KIF18A: variants seen among roughly 807,000 people sequenced by gnomAD.
KIF18A encodes the protein kinesin-like protein KIF18A.
A neutral mutation model predicts 103.3 loss-of-function variants in KIF18A; 67 were observed. That is an observed-to-expected ratio of 0.65 (90% CI 0.53 to 0.79). The LOEUF (loss-of-function observed/expected upper bound fraction) is 0.79, where lower values mean the gene tolerates loss of function less well. Ranked by LOEUF, KIF18A falls within the 30% of genes least tolerant of loss-of-function variation. The probability of loss-of-function intolerance (pLI) is 0.00; values close to 1 mark genes in which losing one functional copy is unlikely to be tolerated. For missense variants in KIF18A, 1,032 were observed against 1,062.5 expected (o/e 0.97, Z 0.40); for synonymous variants, 367 against 355.5 (o/e 1.03, Z -0.36).
chr11:28,075,793 T>C (rs1459053229), intron 10 of KIF18A, among the ~76,000 whole-genome samples: 1 of 152,202 alleles, frequency 6.6e-6, no homozygotes, highest in Non-Finnish European at 1.5e-5. Flanking sequence ...GCATTGCTTC[T>C]GCCAGGTTTT....
intron 7 of KIF18A, among the ~76,000 whole-genome samples, chr11:28,083,512 C>T (rs1324723306): frequency 1.3e-5 from 2 of 152,038 alleles, no homozygotes; most frequent in African/African-American, 4.8e-5. Flanking sequence ...ACTCCTTTGA[C>T]TTCTAAGTAA....
chr11:28,080,841 A>G (rs980578719), intron 9 of KIF18A, among the ~76,000 whole-genome samples: 1 of 152,228 alleles, frequency 6.6e-6, no homozygotes, highest in Non-Finnish European at 1.5e-5. Context: ...TGCACAAAAC[A>G]TTTAGCCAAG....
At chr11:28,040,550 A>G (rs1034969892) in intron 13 of KIF18A, among the ~76,000 whole-genome samples, 13 of 151,816 alleles carry the variant, frequency 8.6e-5, no homozygotes, top group African/African-American at 2.7e-4. Context: ...TGTGCCTTGC[A>G]GAACAAGAGA....
chr11:28,022,355 C>T (rs959808479), intron 16 of KIF18A, among the ~76,000 whole-genome samples: 8 of 151,848 alleles, frequency 5.3e-5, no homozygotes, highest in African/African-American at 1.9e-4. Context: ...AGCTCCGCCT[C>T]CCAGGTTCAC....
intron 13 of KIF18A, among the ~76,000 whole-genome samples, chr11:28,050,765 A>G (rs999583913): frequency 1.3e-5 from 2 of 151,834 alleles, no homozygotes; most frequent in African/African-American, 4.8e-5. Context: ...CACTACACTT[A>G]GTGAGTGTGC....
chr11:28,036,853 CATT>C (rs1850499789), intron 13 of KIF18A, among the ~76,000 whole-genome samples, 189 bp from the exon 14 acceptor site: 3 of 151,152 alleles, frequency 2.0e-5, no homozygotes, highest in Admixed American at 1.3e-4. Context: ...AAGATAAACT[CATT>C]ATAAAGAAAT....
chr11:28,036,804 A>G (rs1012792950), intron 13 of KIF18A, 140 bp from the exon 14 acceptor site: 1 of 524,208 alleles, frequency 1.9e-6, no homozygotes, highest in Admixed American at 3.5e-5. Flanking sequence ...ATAAGTTGGA[A>G]AGGAAAATAT....
intron 13 of KIF18A, among the ~76,000 whole-genome samples, chr11:28,040,049 A>G: frequency 6.6e-6 from 1 of 151,888 alleles, no homozygotes; most frequent in South Asian, 2.1e-4. Context: ...ATTTAAGTCA[A>G]TCTTCTGTAA....
chr11:28,050,456 A>T (rs1251088498), intron 13 of KIF18A, among the ~76,000 whole-genome samples: 1 of 151,868 alleles, frequency 6.6e-6, no homozygotes, highest in East Asian at 1.9e-4. Context: ...CTATCTTTCA[A>T]ATGAAATTTC....
At chr11:28,025,404 T>C (rs973795657) in intron 15 of KIF18A, among the ~76,000 whole-genome samples, 2 of 152,030 alleles carry the variant, frequency 1.3e-5, no homozygotes, top group African/African-American at 4.8e-5. Context: ...TCAATATTAT[T>C]AGTTACTTTT....
chr11:28,099,392 G>C (rs761081904), intron 1 of KIF18A, among the ~76,000 whole-genome samples: 1 of 152,012 alleles, frequency 6.6e-6, no homozygotes, highest in Non-Finnish European at 1.5e-5. Context: ...TTATACAAGA[G>C]GAATAGTTTT....
intron 16 of KIF18A, among the ~76,000 whole-genome samples, chr11:28,023,322 G>A (rs1850269776): frequency 6.6e-6 from 1 of 152,140 alleles, no homozygotes; most frequent in Non-Finnish European, 1.5e-5. Context: ...CTGTGTAGTA[G>A]TTACACATTG....
intron 11 of KIF18A, among the ~76,000 whole-genome samples, chr11:28,063,678 T>A (rs573744707): frequency 2.6e-5 from 4 of 151,964 alleles, no homozygotes; most frequent in Non-Finnish European, 5.9e-5. Flanking sequence ...TGGAAAAATT[T>A]CAAACAATAC....
At chr11:28,042,685 G>T (rs554151134) in intron 13 of KIF18A, among the ~76,000 whole-genome samples, 1 of 151,946 alleles carries the variant, frequency 6.6e-6, no homozygotes, top group East Asian at 1.9e-4. Flanking sequence ...GCACACTTGA[G>T]AAATACCCAT....
At chr11:28,046,238 C>T (rs575221838) in intron 13 of KIF18A, among the ~76,000 whole-genome samples, 1 of 151,624 alleles carries the variant, frequency 6.6e-6, no homozygotes, top group South Asian at 2.1e-4. Flanking sequence ...TATAAAGACA[C>T]ATGCACACGT....
intron 9 of KIF18A, among the ~76,000 whole-genome samples, chr11:28,081,447 T>C (rs929034114): frequency 1.5e-4 from 23 of 152,254 alleles, no homozygotes; most frequent in African/African-American, 4.8e-4. Context: ...AGGGCCCTTA[T>C]GAAATATGCT....
At chr11:28,104,335 G>T (rs574574489) in intron 1 of KIF18A, among the ~76,000 whole-genome samples, 1 of 152,184 alleles carries the variant, frequency 6.6e-6, no homozygotes, top group Admixed American at 6.5e-5. Context: ...CTACCTCTCT[G>T]ACAATGACTT....
At chr11:28,076,686 C>A (rs763738064) in intron 10 of KIF18A, 8 of 158,650 alleles carry the variant, frequency 5.0e-5, no homozygotes, top group Non-Finnish European at 9.6e-5. Context: ...GTAATCCCAG[C>A]ACTTTGGGAG....
At chr11:28,101,801 A>T (rs1039931727) in intron 1 of KIF18A, among the ~76,000 whole-genome samples, 1 of 152,130 alleles carries the variant, frequency 6.6e-6, no homozygotes, top group Non-Finnish European at 1.5e-5. Context: ...TAATGAGGGG[A>T]TTATTTAAGT....
Sources: gnomAD v4.1 joint callset for allele counts (sites outside exome capture counted in the v4.1 genomes callset) on GRCh38, gnomAD v4.1.1 for gene constraint, MANE v1.5 for transcripts, NCBI Gene and HGNC (gene_info 2026-07-23, HGNC 2026-07-21) for gene names.